BANK1: variants seen among roughly 807,000 people sequenced by gnomAD.
The protein encoded by BANK1 is B-cell scaffold protein with ankyrin repeats.
Under a neutral mutation model 94.5 loss-of-function variants are expected in BANK1, and 95 were observed. That is an observed-to-expected ratio of 1.00 (90% CI 0.85 to 1.19). The LOEUF (loss-of-function observed/expected upper bound fraction) is 1.19, where lower values mean the gene tolerates loss of function less well. Ranked by LOEUF, BANK1 falls within the 50% of genes most tolerant of loss-of-function variation. BANK1 has a pLI of 0.00. For synonymous variants in BANK1, 334 were observed against 308.4 expected, an observed-to-expected ratio of 1.08 and a Z score of -0.87; for missense variants, 987 against 932.2, an observed-to-expected ratio of 1.06 and a Z score of -0.77.
At chr4:101,940,280 G>T (rs191391060) in intron 7 of BANK1, among the ~76,000 whole-genome samples, 204 of 150,818 alleles carry the variant, frequency 1.4e-3, no homozygotes, top group Non-Finnish European at 2.0e-3. Context: ...AAGTCATTAA[G>T]TTTTTTAAAA....
At chr4:101,942,783 T>G (rs888934721) in intron 7 of BANK1, among the ~76,000 whole-genome samples, 1 of 151,912 alleles carries the variant, frequency 6.6e-6, no homozygotes, top group Non-Finnish European at 1.5e-5. Flanking sequence ...TCATTATAAA[T>G]ATTTAAGATG....
intron 2 of BANK1, among the ~76,000 whole-genome samples, chr4:101,841,072 T>C (rs1335889780): frequency 6.6e-6 from 1 of 152,202 alleles, no homozygotes; most frequent in Non-Finnish European, 1.5e-5. Flanking sequence ...GTGATCCACC[T>C]GCCTCAACCT....
chr4:102,039,221 C>T (rs1013631517), intron 10 of BANK1, among the ~76,000 whole-genome samples: 6 of 152,088 alleles, frequency 3.9e-5, no homozygotes, highest in Admixed American at 6.6e-5. Flanking sequence ...TGAATGTACC[C>T]GTTGAAATGT....
chr4:101,797,336 A>T (rs1381006883), intron 1 of BANK1, among the ~76,000 whole-genome samples: 2 of 152,206 alleles, frequency 1.3e-5, no homozygotes, highest in African/African-American at 4.8e-5. Flanking sequence ...TCTGAAAAGT[A>T]AACCAAAACC....
At chr4:101,811,335 T>G (rs1199485974) in intron 1 of BANK1, among the ~76,000 whole-genome samples, 1 of 152,142 alleles carries the variant, frequency 6.6e-6, no homozygotes, top group Non-Finnish European at 1.5e-5. Flanking sequence ...TGGTAGGGAA[T>G]TTTTTTGAGA....
At chr4:102,026,410 T>C (rs1026979990) in intron 9 of BANK1, among the ~76,000 whole-genome samples, 2 of 152,040 alleles carry the variant, frequency 1.3e-5, no homozygotes, top group Non-Finnish European at 2.9e-5. Flanking sequence ...TTCACTATAA[T>C]TTAGTTGTTG....
chr4:101,930,376 G>A (rs569741912), intron 7 of BANK1, among the ~76,000 whole-genome samples: 16 of 151,178 alleles, frequency 1.1e-4, no homozygotes, highest in South Asian at 2.1e-4. Flanking sequence ...TGTACTATTC[G>A]TTGAGTATTG....
intron 12 of BANK1, among the ~76,000 whole-genome samples, chr4:102,060,957 A>G (rs1383532039): frequency 6.6e-6 from 1 of 152,178 alleles, no homozygotes; most frequent in African/African-American, 2.4e-5. Flanking sequence ...TGAGAATGAA[A>G]ACAAAATATA....
At chr4:101,865,985 C>T (rs1728053902) in intron 4 of BANK1, among the ~76,000 whole-genome samples, 1 of 152,140 alleles carries the variant, frequency 6.6e-6, no homozygotes, top group Admixed American at 6.5e-5. Context: ...TCTTTCACTA[C>T]AGGAGTATTT....
chr4:102,043,788 AT>A, intron 10 of BANK1, 50 bp from the exon 11 acceptor site: 5 of 1,276,526 alleles, frequency 3.9e-6, no homozygotes, highest in South Asian at 2.8e-5. Flanking sequence ...TACAGTATGG[AT>A]TTTTTGAACG....
chr4:102,007,027 T>C (rs1726282840), intron 7 of BANK1, among the ~76,000 whole-genome samples: 1 of 137,662 alleles, frequency 7.3e-6, no homozygotes, highest in Non-Finnish European at 1.5e-5. Flanking sequence ...AAAAGAATAC[T>C]ATCTTAATGG....
intron 1 of BANK1, among the ~76,000 whole-genome samples, chr4:101,800,833 C>G (rs1725334638): frequency 6.6e-6 from 1 of 152,220 alleles, no homozygotes; most frequent in South Asian, 2.1e-4. Flanking sequence ...TCTCAGCTCA[C>G]TGCAAACTCC....
intron 7 of BANK1, among the ~76,000 whole-genome samples, chr4:101,953,239 A>T (rs536424581): frequency 6.6e-6 from 1 of 152,212 alleles, no homozygotes; most frequent in Non-Finnish European, 1.5e-5. Context: ...CAAAGATAGC[A>T]TAAATAATAG....
chr4:101,827,484 T>C (rs1470372634), intron 1 of BANK1, among the ~76,000 whole-genome samples: 2 of 151,982 alleles, frequency 1.3e-5, no homozygotes, highest in African/African-American at 4.8e-5. Context: ...ATGTTTTACT[T>C]TCTCCTCCCC....
chr4:102,005,940 C>T (rs184834228), intron 7 of BANK1, among the ~76,000 whole-genome samples: 68 of 151,852 alleles, frequency 4.5e-4, no homozygotes, highest in Middle Eastern at 3.4e-3. Context: ...CACAATATTG[C>T]GTATAAAGAA....
Position 101,901,522 on chromosome 4 carries a change from A to G in BANK1, c.1009+6112A>G, listed in dbSNP as rs928871521. 2.0e-5 allele frequency among the ~76,000 whole-genome samples: 3 copies of G among 152,236 alleles called. No homozygotes were observed. In the East Asian group the frequency reaches 5.8e-4, roughly 29 times the overall value. On this transcript the variant is annotated intron_variant, in intron 6 of 16. Coordinates refer to ENST00000322953, the MANE Select transcript of BANK1 (RefSeq NM_017935.5). ...ATATCAGATAAATAAGACTGAGTTA[A>G]GATGCACAGATATTGGGAAAGGTAT...
At chr4:101,840,496 C>T (rs189163629) in intron 2 of BANK1, among the ~76,000 whole-genome samples, 36 of 152,126 alleles carry the variant, frequency 2.4e-4, no homozygotes, top group African/African-American at 8.4e-4. Flanking sequence ...GTGTGTTTAC[C>T]AGAATGAGGG....
chr4:102,067,143 G>C (rs1728621245), intron 13 of BANK1, among the ~76,000 whole-genome samples: 2 of 151,754 alleles, frequency 1.3e-5, no homozygotes, highest in East Asian at 3.9e-4. Flanking sequence ...TTAAAAAATA[G>C]ATAAAAAGAA....
chr4:101,828,744 A>G (rs1300556774), intron 1 of BANK1, among the ~76,000 whole-genome samples: 3 of 152,268 alleles, frequency 2.0e-5, no homozygotes, highest in Non-Finnish European at 1.5e-5. Context: ...AAAATGCTCT[A>G]AAGAAATCAA....
Sources: gnomAD v4.1 joint callset for allele counts (sites outside exome capture counted in the v4.1 genomes callset) on GRCh38, gnomAD v4.1.1 for gene constraint, MANE v1.5 for transcripts, NCBI Gene and HGNC (gene_info 2026-07-23, HGNC 2026-07-21) for gene names.